SUSD4: variants seen among roughly 807,000 people sequenced by gnomAD.
The protein encoded by SUSD4 is sushi domain containing 4.
Under a neutral mutation model 50.5 loss-of-function variants are expected in SUSD4, and 41 were observed. The observed-to-expected ratio is 0.81, with a 90% CI of 0.63 to 1.05. SUSD4 has a LOEUF of 1.05. Among genes scored for constraint, SUSD4 ranks in the 50% least tolerant of loss-of-function variants. The pLI, the probability that SUSD4 is intolerant of heterozygous loss-of-function variation, is 0.00. For synonymous variants in SUSD4, 257 were observed against 257.3 expected (o/e 1.00, Z 0.01); for missense variants, 580 against 634.7 (o/e 0.91, Z 0.93).
At chr1:223,279,185 G>A (rs370908212) in intron 3 of SUSD4, among the ~76,000 whole-genome samples, 31 of 152,326 alleles carry the variant, frequency 2.0e-4, no homozygotes, top group Middle Eastern at 3.4e-3. Flanking sequence ...CCAAAGGAAC[G>A]CAGCTCCTTG....
chr1:223,241,083 G>A (rs1660548295), intron 5 of SUSD4, among the ~76,000 whole-genome samples: 1 of 152,148 alleles, frequency 6.6e-6, no homozygotes, highest in Non-Finnish European at 1.5e-5. Context: ...GAGGGGGCAG[G>A]AGTTGGGTGC....
intron 2 of SUSD4, among the ~76,000 whole-genome samples, chr1:223,350,405 C>G (rs1160268721): frequency 1.3e-5 from 2 of 152,194 alleles, no homozygotes; most frequent in Admixed American, 1.3e-4. Flanking sequence ...TTAGGACTGA[C>G]TGCAAAGCCA....
At chr1:223,265,974 C>T (rs1390115011) in intron 4 of SUSD4, among the ~76,000 whole-genome samples, 1 of 152,210 alleles carries the variant, frequency 6.6e-6, no homozygotes, top group Non-Finnish European at 1.5e-5. Flanking sequence ...CTTTGTTGGA[C>T]ATTGTAAGTA....
intron 2 of SUSD4, among the ~76,000 whole-genome samples, chr1:223,351,798 T>C (rs187311982): frequency 1.3e-5 from 2 of 152,222 alleles, no homozygotes; most frequent in Admixed American, 1.3e-4. Context: ...AAAGTGTGTG[T>C]ATCTTAATCC....
chr1:223,221,360 A>C lies in SUSD4; in HGVS notation c.*832T>G. On this transcript the variant is annotated 3_prime_UTR_variant, in exon 9 of 9. Coordinates refer to ENST00000366878, the MANE Select transcript of SUSD4 (RefSeq NM_017982.4). ...AGTCTTTTTAAAATGCTGAAACAAA[A>C]CATTACCTTGGTTACTGTCTCCATC... 2.8e-6 allele frequency: 1 copy of C among 352,908 alleles called. No individual in the cohort carries two copies. The highest frequency in any genetic ancestry group is 4.1e-5 in the East Asian group (1 of 24,256). 21.9% of individuals were successfully genotyped at this position (352,908 alleles called of 1,614,324 possible).
chr1:223,276,881 T>C (rs1198161880), intron 3 of SUSD4, among the ~76,000 whole-genome samples: 3 of 151,946 alleles, frequency 2.0e-5, no homozygotes, highest in Non-Finnish European at 4.4e-5. Context: ...AAGAAAGAAA[T>C]TTTAGATGAT....
chr1:223,262,712 T>C (rs1020519611), intron 5 of SUSD4, among the ~76,000 whole-genome samples: 5 of 152,202 alleles, frequency 3.3e-5, no homozygotes, highest in Non-Finnish European at 5.9e-5. Flanking sequence ...CTTTAGCCAG[T>C]GTTGCATTGA....
intron 5 of SUSD4, among the ~76,000 whole-genome samples, chr1:223,248,553 A>T (rs948324654): frequency 2.0e-5 from 3 of 152,222 alleles, no homozygotes; most frequent in Non-Finnish European, 2.9e-5. Flanking sequence ...ATCAATAAAC[A>T]TTATACAGCA....
At position 223,264,797 on chromosome 1, in the gene SUSD4, G is replaced by A; in HGVS notation, c.557C>T (p.Ser186Phe). ...AGAGATGTTTACATAGCCATTAGAA[G>A]AGGCTAGAGGTCTCAGGCAGCCTGT... The part of the protein sequence containing the change: ...ICQGCLRPLA[S>F]SNGYVNISEL... Residue 186 changes from serine to phenylalanine, a missense_variant, in exon 5 of 9, where the codon TCT becomes TTT. Transcript: ENST00000366878. 6.2e-7 allele frequency: 1 copy of A among 1,614,040 alleles called. No individual in the cohort carries two copies. Among genetic ancestry groups the A allele is most frequent in the Non-Finnish European group, 8.5e-7 (1 of 1,179,938 alleles).
chr1:223,267,422 T>TA (rs1264224195), intron 4 of SUSD4, among the ~76,000 whole-genome samples: 1 of 152,138 alleles, frequency 6.6e-6, no homozygotes. Flanking sequence ...CAGCAGGTAA[T>TA]AAAGTTTATT....
chr1:223,293,764 C>T (rs1451512633), intron 2 of SUSD4, among the ~76,000 whole-genome samples: 1 of 151,976 alleles, frequency 6.6e-6, no homozygotes, highest in Non-Finnish European at 1.5e-5. Context: ...CAAAAATGGA[C>T]ATCATGAGCC....
intron 5 of SUSD4, among the ~76,000 whole-genome samples, chr1:223,255,295 G>A (rs1661609725): frequency 6.6e-6 from 1 of 152,180 alleles, no homozygotes; most frequent in Non-Finnish European, 1.5e-5. Flanking sequence ...TTTGACTGAT[G>A]TAAGCTGGAT....
Position 223,363,464 on chromosome 1 carries a change from C to A in SUSD4, c.-35-4G>T. ...AGGGCATCCAGCTTGCAAGAGTCTG[C>A]AACCAGAAGCGGAACACCACAATAA... On this transcript the variant is annotated splice_region_variant and splice_polypyrimidine_tract_variant and intron_variant, in intron 1 of 8. Coordinates refer to ENST00000366878, the MANE Select transcript of SUSD4 (RefSeq NM_017982.4). 1 of 1,492,228 alleles carries A rather than the reference C, an allele frequency of 6.7e-7. No homozygotes were observed. Among genetic ancestry groups the A allele is most frequent in the Non-Finnish European group, 9.0e-7 (1 of 1,110,374 alleles). The allele number at this position is 1,492,228 out of a possible 1,614,324, so 92.4% of individuals were successfully genotyped here. A position where few individuals can be genotyped will look rare whatever the true frequency, so the allele number is the denominator to read the frequency against.
At chr1:223,239,202 CTTTCT>C (rs1273155178) in intron 5 of SUSD4, among the ~76,000 whole-genome samples, 1 of 151,830 alleles carries the variant, frequency 6.6e-6, no homozygotes, top group Non-Finnish European at 1.5e-5. Context: ...TTTCCATATA[CTTTCT>C]TTTATTTATA....
At position 223,269,748 on chromosome 1, in the gene SUSD4, A is replaced by T. The variant is rs190222594; in HGVS notation, c.362-1073T>A. Among the ~76,000 whole-genome samples, 43 of 152,314 alleles carry T rather than the reference A, an allele frequency of 2.8e-4. 1 individual carries two copies. The highest frequency in any genetic ancestry group is 2.5e-3 in the Admixed American group (38 of 15,300). ...AGAACAGCATTTTGTGAATCATAGAAATTTCCTCCAGAAATTTCTCAACGC... is the reference window on the plus strand; with the variant it reads ...AGAACAGCATTTTGTGAATCATAGATATTTCCTCCAGAAATTTCTCAACGC... On this transcript the variant is annotated intron_variant, in intron 3 of 8. Coordinates refer to ENST00000366878, the MANE Select transcript of SUSD4 (RefSeq NM_017982.4).
chr1:223,265,486 T>G (rs1483840529), intron 4 of SUSD4, among the ~76,000 whole-genome samples: 1 of 152,162 alleles, frequency 6.6e-6, no homozygotes, highest in Non-Finnish European at 1.5e-5. Flanking sequence ...TTTCAGCAGG[T>G]CTGGGGCAGA....
At chr1:223,280,733 G>A (rs1663655384) in intron 3 of SUSD4, among the ~76,000 whole-genome samples, 1 of 151,192 alleles carries the variant, frequency 6.6e-6, no homozygotes, top group Non-Finnish European at 1.5e-5. Context: ...TGTACCAAGG[G>A]GACCTAATAG....
In SUSD4 at chr1:223,282,459, A is replaced by T. The variant is rs565661645; in HGVS notation, c.361+9980T>A. On this transcript the variant is annotated intron_variant, in intron 3 of 8. Transcript: ENST00000366878. ...ATACACCAATAACAGACAAACAGAGAGCCATATCATGAGTGAACTCCCATT... is the reference window on the plus strand; with the variant it reads ...ATACACCAATAACAGACAAACAGAGTGCCATATCATGAGTGAACTCCCATT... 9.8e-5 allele frequency among the ~76,000 whole-genome samples: 15 copies of T among 152,324 alleles called. No individual in the cohort carries two copies. The South Asian group carries it at 2.7e-3, about 27-fold the overall frequency.
At chr1:223,322,650 G>A (rs1007457419) in intron 2 of SUSD4, among the ~76,000 whole-genome samples, 1 of 152,164 alleles carries the variant, frequency 6.6e-6, no homozygotes, top group African/African-American at 2.4e-5. Context: ...TGTGGTGTGT[G>A]CATGTGTGTC....
Sources: allele counts gnomAD v4.1 joint callset (sites outside exome capture counted in the v4.1 genomes callset), GRCh38; gene constraint gnomAD v4.1.1; transcripts MANE v1.5; gene names NCBI Gene and HGNC (gene_info 2026-07-23, HGNC 2026-07-21).